Variants in PPM1H observed in about 807,000 individuals in gnomAD.
The protein encoded by PPM1H is protein phosphatase 1H.
PPM1H carries 27 observed loss-of-function variants against 54.9 expected under a neutral mutation model. The ratio of observed to expected loss-of-function variants is 0.49; its 90% CI spans 0.36 to 0.68. The LOEUF is 0.68. PPM1H is among the 30% of genes least tolerant of loss of function. PPM1H has a pLI of 0.00. For missense variants in PPM1H, 596 were observed against 667.8 expected, an observed-to-expected ratio of 0.89 and a Z score of 1.19; for synonymous variants, 305 against 270.8, an observed-to-expected ratio of 1.13 and a Z score of -1.24.
At chr12:62,766,490 A>G (rs2076544353) in intron 4 of PPM1H, among the ~76,000 whole-genome samples, 1 of 152,158 alleles carries the variant, frequency 6.6e-6, no homozygotes, top group African/African-American at 2.4e-5. Flanking sequence ...ATGCTTCCTA[A>G]CAGGCAACAC....
At chr12:62,666,949 T>C (rs1009755208) in intron 9 of PPM1H, among the ~76,000 whole-genome samples, 4 of 152,154 alleles carry the variant, frequency 2.6e-5, no homozygotes, top group Non-Finnish European at 4.4e-5. Flanking sequence ...CCTGACCTCA[T>C]GATTCACCCG....
intron 1 of PPM1H, among the ~76,000 whole-genome samples, chr12:62,910,811 C>A (rs1871435696): frequency 6.6e-6 from 1 of 152,158 alleles, no homozygotes; most frequent in Non-Finnish European, 1.5e-5. Context: ...GCCATTGGAG[C>A]ACCAGCCAGC....
At chr12:62,803,892 G>A (rs2076787947) in intron 2 of PPM1H, among the ~76,000 whole-genome samples, 1 of 152,136 alleles carries the variant, frequency 6.6e-6, no homozygotes, top group South Asian at 2.1e-4. Context: ...TGAAAAAATG[G>A]GCAAAGGGCT....
At chr12:62,820,002 G>A (rs931355803) in intron 2 of PPM1H, among the ~76,000 whole-genome samples, 1 of 152,204 alleles carries the variant, frequency 6.6e-6, no homozygotes, top group African/African-American at 2.4e-5. Flanking sequence ...CAAGGGGTCG[G>A]GGAATTCCCT....
intron 1 of PPM1H, among the ~76,000 whole-genome samples, chr12:62,896,194 G>A (rs536449945): frequency 1.7e-4 from 26 of 152,294 alleles, no homozygotes; most frequent in African/African-American, 6.0e-4. Context: ...TATGGGCAAG[G>A]ACTTCATGAC....
rs561998589 is a variant in PPM1H, at chr12:62,802,180, G to A, written c.412-20C>T. ...GGATTCCTGTGGGAGAGGACGACAG[G>A]GAGGAGTGAGAACGGCTGTGGACTT... On this transcript the variant is annotated intron_variant, in intron 2 of 9. Transcript: ENST00000228705. The A allele has an allele frequency of 1.1e-5, 17 of 1,532,976 alleles. No individual in the cohort carries two copies. The East Asian group carries it at 1.6e-4, about 14-fold the overall frequency. 95.0% of individuals were successfully genotyped at this position (1,532,976 alleles called of 1,614,324 possible).
chr12:62,754,966 A>G (rs973930969), intron 4 of PPM1H, among the ~76,000 whole-genome samples: 6 of 152,186 alleles, frequency 3.9e-5, no homozygotes, highest in African/African-American at 1.2e-4. Context: ...GGTGGCCTTC[A>G]GCTCTCTACC....
intron 6 of PPM1H, among the ~76,000 whole-genome samples, chr12:62,717,824 T>C (rs745725553): frequency 1.3e-5 from 2 of 152,238 alleles, no homozygotes; most frequent in Non-Finnish European, 2.9e-5. Flanking sequence ...AAAGTGACGA[T>C]GCCTATTATC....
chr12:62,904,640 T>C (rs1226154442), intron 1 of PPM1H, among the ~76,000 whole-genome samples: 1 of 152,016 alleles, frequency 6.6e-6, no homozygotes, highest in Non-Finnish European at 1.5e-5. Flanking sequence ...TGCCAGGCAA[T>C]GAAAGTAAAG....
At chr12:62,911,873 C>T (rs1592667638) in intron 1 of PPM1H, among the ~76,000 whole-genome samples, 1 of 152,172 alleles carries the variant, frequency 6.6e-6, no homozygotes, top group South Asian at 2.1e-4. Context: ...CTGTCCCTCA[C>T]ACATGTGTAC....
intron 3 of PPM1H, among the ~76,000 whole-genome samples, chr12:62,796,221 A>G (rs1408400050): frequency 6.6e-6 from 1 of 152,168 alleles, no homozygotes; most frequent in Admixed American, 6.5e-5. Flanking sequence ...GTTTTCCCCC[A>G]CATAACCAGC....
At chr12:62,769,607 G>A (rs2076566033) in intron 4 of PPM1H, among the ~76,000 whole-genome samples, 1 of 152,206 alleles carries the variant, frequency 6.6e-6, no homozygotes, top group African/African-American at 2.4e-5. Context: ...TGAAAAGCAT[G>A]GCATTGAAAA....
chr12:62,738,932 C>A (rs1288531471), intron 4 of PPM1H, among the ~76,000 whole-genome samples: 2 of 151,474 alleles, frequency 1.3e-5, no homozygotes, highest in African/African-American at 2.4e-5. Flanking sequence ...CCCCCAACCC[C>A]TCACCACCTG....
chr12:62,718,704 G>A (rs73312430), intron 6 of PPM1H, among the ~76,000 whole-genome samples: 45 of 152,250 alleles, frequency 3.0e-4, no homozygotes, highest in African/African-American at 1.0e-3. Flanking sequence ...TAAACCCCAT[G>A]ATGCTTTGCT....
chr12:62,764,932 T>C (rs342155), intron 4 of PPM1H, among the ~76,000 whole-genome samples: 35,893 of 152,164 alleles, frequency 0.24, 4,293 homozygotes, highest in Middle Eastern at 0.29. Flanking sequence ...GACAAAGCCA[T>C]GCGTGCCGCT....
intron 1 of PPM1H, among the ~76,000 whole-genome samples, chr12:62,884,829 T>C (rs1331340191): frequency 3.3e-5 from 5 of 152,190 alleles, no homozygotes; most frequent in African/African-American, 4.8e-5. Flanking sequence ...TGTCGGCACA[T>C]CAAGGTTCTC....
In PPM1H at chr12:62,735,538, A is replaced by G. The variant is rs377504362; in HGVS notation, c.954+1964T>C. ...CAGCCTGTTTTTAAATCTTTCGTTCAGTAAACAGATACTGGTTCTATATCT... is the reference window on the plus strand; with the variant it reads ...CAGCCTGTTTTTAAATCTTTCGTTCGGTAAACAGATACTGGTTCTATATCT... On this transcript the variant is annotated intron_variant, in intron 5 of 9. Coordinates refer to ENST00000228705, the MANE Select transcript of PPM1H (RefSeq NM_020700.2). 4.6e-5 allele frequency among the ~76,000 whole-genome samples: 7 copies of G among 152,334 alleles called. 1 individual carries two copies. The South Asian group carries it at 1.2e-3, about 27-fold the overall frequency.
At chr12:62,770,543 T>C (rs2076572610) in intron 4 of PPM1H, among the ~76,000 whole-genome samples, 1 of 131,038 alleles carries the variant, frequency 7.6e-6, no homozygotes, top group Admixed American at 7.1e-5. Flanking sequence ...AAGTATATAA[T>C]ACAGCTTTTT....
At chr12:62,855,214 C>T (rs1415269922) in intron 1 of PPM1H, among the ~76,000 whole-genome samples, 1 of 152,140 alleles carries the variant, frequency 6.6e-6, no homozygotes, top group Non-Finnish European at 1.5e-5. Context: ...CCTCTCGCTT[C>T]CTGGCAAACC....
Sources: allele counts gnomAD v4.1 joint callset (sites outside exome capture counted in the v4.1 genomes callset), GRCh38; gene constraint gnomAD v4.1.1; transcripts MANE v1.5; gene names NCBI Gene and HGNC (gene_info 2026-07-23, HGNC 2026-07-21).